Variants in ADAM23 observed in about 807,000 individuals in gnomAD.
ADAM23 encodes the protein ADAM metallopeptidase domain 23, also known as disintegrin and metalloproteinase domain-containing protein 23.
A neutral mutation model predicts 120.1 loss-of-function variants in ADAM23; 33 were observed. That is an observed-to-expected ratio of 0.27 (90% confidence interval 0.21 to 0.37). ADAM23 has a LOEUF of 0.37. ADAM23 is among the 10% of genes least tolerant of loss of function. ADAM23 has a pLI of 1.00. For missense variants in ADAM23, 862 were observed against 1,058.2 expected, an observed-to-expected ratio of 0.81 and a Z score of 2.57; for synonymous variants, 367 against 375.2, an observed-to-expected ratio of 0.98 and a Z score of 0.25.
rs80013836 is a variant in ADAM23 at position 206,491,574 on chromosome 2, T to C, written c.509+10266T>C. On this transcript the variant is annotated intron_variant, in intron 3 of 25. Transcript: ENST00000264377. ...CTCATTTTTTCAGAGCACTTCTTGG[T>C]CTTTTGAAGACAAAGACAAATAATG... Among the ~76,000 whole-genome samples, 670 of 152,278 alleles carry C rather than the reference T, an allele frequency of 4.4e-3. 7 individuals are homozygous for C. The highest frequency in any genetic ancestry group is 0.015 in the African/African-American group (635 of 41,554).
At chr2:206,557,034 C>T (rs545803450) in intron 9 of ADAM23, among the ~76,000 whole-genome samples, 1 of 152,194 alleles carries the variant, frequency 6.6e-6, no homozygotes, top group African/African-American at 2.4e-5. Flanking sequence ...TATAAAGCTT[C>T]TCATATCGAT....
At chr2:206,495,281 A>T (rs557955869) in intron 3 of ADAM23, among the ~76,000 whole-genome samples, 1 of 152,266 alleles carries the variant, frequency 6.6e-6, no homozygotes. Context: ...AGGGAAGCCC[A>T]TCAGACTAAC....
chr2:206,483,581 A>G (rs1340963478), intron 3 of ADAM23, among the ~76,000 whole-genome samples: 1 of 152,124 alleles, frequency 6.6e-6, no homozygotes, highest in Non-Finnish European at 1.5e-5. Context: ...CCATGAAGGA[A>G]ATTGAGAAGG....
Position 206,517,672 on chromosome 2 carries a change from A to C in ADAM23, c.510-13213A>C, listed in dbSNP as rs568517555. Among the ~76,000 whole-genome samples the C allele has an allele frequency of 3.9e-5, 6 of 152,052 alleles. No homozygotes were observed. In the East Asian group the frequency reaches 7.7e-4, roughly 20 times the overall value. The stretch of plus-strand genomic sequence containing the variant: ...CCACAAGCTTCTGGATTTTTCCTGG[A>C]GTGGCCACTTCATTTTTCTACCCCT... On this transcript the variant is annotated intron_variant, in intron 3 of 25. Coordinates refer to ENST00000264377, the MANE Select transcript of ADAM23 (RefSeq NM_003812.4).
At chr2:206,599,031 C>T (rs994119505) in intron 24 of ADAM23, among the ~76,000 whole-genome samples, 1 of 151,738 alleles carries the variant, frequency 6.6e-6, no homozygotes, top group Non-Finnish European at 1.5e-5. Flanking sequence ...ATGGTGAAAA[C>T]CCATCTCTAC....
chr2:206,539,379 C>T (rs1257761692), intron 4 of ADAM23, among the ~76,000 whole-genome samples: 1 of 152,144 alleles, frequency 6.6e-6, no homozygotes, highest in African/African-American at 2.4e-5. Context: ...CTGCCATTTG[C>T]CACGTCACAG....
At chr2:206,488,927 C>T (rs1318054719) in intron 3 of ADAM23, among the ~76,000 whole-genome samples, 1 of 152,214 alleles carries the variant, frequency 6.6e-6, no homozygotes, top group Non-Finnish European at 1.5e-5. Flanking sequence ...TCTTAAAGAA[C>T]CTGAATTACC....
intron 4 of ADAM23, among the ~76,000 whole-genome samples, chr2:206,540,885 T>C (rs1217587468): frequency 6.6e-6 from 1 of 150,880 alleles, no homozygotes; most frequent in East Asian, 1.9e-4. Context: ...TAGGAGAGAA[T>C]TCTCAGCTAT....
chr2:206,561,062 A>G, intron 11 of ADAM23, 66 bp from the exon 12 acceptor site: 1 of 1,410,414 alleles, frequency 7.1e-7, no homozygotes, highest in Non-Finnish European at 1.0e-6. Context: ...GGGTAGACAT[A>G]TTTTGGGAGA....
At chr2:206,553,408 C>G (rs1697574653) in intron 9 of ADAM23, among the ~76,000 whole-genome samples, 1 of 152,112 alleles carries the variant, frequency 6.6e-6, no homozygotes, top group African/African-American at 2.4e-5. Context: ...TGCACTCCAG[C>G]CTGGGCGACA....
chr2:206,510,445 TATA>T (rs1319096321), intron 3 of ADAM23, among the ~76,000 whole-genome samples: 1 of 152,236 alleles, frequency 6.6e-6, no homozygotes, highest in African/African-American at 2.4e-5. Context: ...TCTCACCTGT[TATA>T]ATGTTCTTTT....
intron 18 of ADAM23, among the ~76,000 whole-genome samples, chr2:206,582,160 G>A (rs929744876): frequency 7.9e-5 from 12 of 152,220 alleles, no homozygotes; most frequent in African/African-American, 2.9e-4. Flanking sequence ...TTACAGGCGT[G>A]AGCCACCACG....
Position 206,579,394 on chromosome 2 carries a change from T to G in ADAM23, c.1737+6199T>G, listed in dbSNP as rs113183026. On this transcript the variant is annotated intron_variant, in intron 18 of 25. Transcript: ENST00000264377. ...CTTAGGTTTAAGTCCTTAATCCATC[T>G]TGAGTTGATTTTTCTTTAAGGTGAG... 4.6e-5 allele frequency among the ~76,000 whole-genome samples: 7 copies of G among 152,344 alleles called. 1 individual carries two copies. Among genetic ancestry groups the G allele is most frequent in the African/African-American group, 1.7e-4 (7 of 41,594 alleles).
At chr2:206,609,113 A>G (rs957848506) in intron 24 of ADAM23, among the ~76,000 whole-genome samples, 1 of 152,204 alleles carries the variant, frequency 6.6e-6, no homozygotes, top group East Asian at 1.9e-4. Context: ...ACCCTTAGCA[A>G]TTGATAGAAA....
In ADAM23 at chr2:206,592,568, A is replaced by G. The variant is rs767853443; in HGVS notation, c.1959-49A>G. ...TGGACCGAATCGTTTTGATTTTTTG[A>G]GCTTGATTCCTCCTGTCTGGTCTGT... On this transcript the variant is annotated intron_variant, in intron 21 of 25. Coordinates refer to ENST00000264377, the MANE Select transcript of ADAM23 (RefSeq NM_003812.4). 3.0e-5 allele frequency: 47 copies of G among 1,554,982 alleles called. 1 individual carries two copies. The highest frequency in any genetic ancestry group is 3.5e-5 in the Non-Finnish European group (40 of 1,146,936).
intron 15 of ADAM23, among the ~76,000 whole-genome samples, chr2:206,568,064 A>T (rs1369284482): frequency 6.6e-6 from 1 of 152,134 alleles, no homozygotes; most frequent in Non-Finnish European, 1.5e-5. Context: ...ACTCAAGATG[A>T]GATTTGGGTG....
intron 24 of ADAM23, among the ~76,000 whole-genome samples, chr2:206,599,929 C>T (rs753366599): frequency 5.3e-5 from 8 of 152,154 alleles, no homozygotes; most frequent in South Asian, 2.1e-4. Context: ...TGGCCGGGCA[C>T]GGTGGCTCAC....
intron 18 of ADAM23, among the ~76,000 whole-genome samples, chr2:206,573,528 G>T (rs1015597307): frequency 1.3e-5 from 2 of 152,032 alleles, no homozygotes; most frequent in Admixed American, 1.3e-4. Flanking sequence ...GACAATCAGT[G>T]GTTGTTTGGC....
chr2:206,486,729 A>G (rs1696020861), intron 3 of ADAM23, among the ~76,000 whole-genome samples: 8 of 151,776 alleles, frequency 5.3e-5, no homozygotes, highest in Admixed American at 4.6e-4. Flanking sequence ...CACCTCCACC[A>G]CGACCGTCAT....
Sources: allele counts gnomAD v4.1 joint callset (sites outside exome capture counted in the v4.1 genomes callset), GRCh38; gene constraint gnomAD v4.1.1; transcripts MANE v1.5; gene names NCBI Gene and HGNC (gene_info 2026-07-23, HGNC 2026-07-21).